Variants in PRKAR2B observed in about 807,000 individuals in gnomAD.
PRKAR2B encodes the protein protein kinase cAMP-dependent type II regulatory subunit beta.
In PRKAR2B, 14 loss-of-function variants were observed where a neutral mutation model predicts 49.9. The ratio of observed to expected loss-of-function variants is 0.28; its 90% CI spans 0.19 to 0.44. The LOEUF is 0.44. Among genes scored for constraint, PRKAR2B ranks in the 20% least tolerant of loss-of-function variants. The pLI is 1.00. For missense variants in PRKAR2B, 393 were observed against 537.9 expected, an observed-to-expected ratio of 0.73 and a Z score of 2.67; for synonymous variants, 196 against 197.7, an observed-to-expected ratio of 0.99 and a Z score of 0.07.
chr7:107,146,784 A>G (rs891962077), intron 6 of PRKAR2B, among the ~76,000 whole-genome samples: 4 of 152,190 alleles, frequency 2.6e-5, no homozygotes, highest in Non-Finnish European at 5.9e-5. Flanking sequence ...TTTTTCTCAG[A>G]TAGCTTTCTG....
intron 4 of PRKAR2B, among the ~76,000 whole-genome samples, chr7:107,139,281 A>G (rs1339887935): frequency 6.6e-6 from 1 of 152,216 alleles, no homozygotes; most frequent in African/African-American, 2.4e-5. Flanking sequence ...TTGAGCTGAC[A>G]GGGAGCCAGC....
chr7:107,072,931 G>A (rs576570573), intron 2 of PRKAR2B, among the ~76,000 whole-genome samples: 3 of 152,236 alleles, frequency 2.0e-5, no homozygotes, highest in Non-Finnish European at 2.9e-5. Flanking sequence ...TCTGTACGAC[G>A]TAAGAGTTTG....
At chr7:107,154,892 T>C (rs1387916836) in intron 8 of PRKAR2B, among the ~76,000 whole-genome samples, 1 of 152,202 alleles carries the variant, frequency 6.6e-6, no homozygotes, top group Non-Finnish European at 1.5e-5. Flanking sequence ...TGAAATGGAA[T>C]GTCAGTAGGC....
At chr7:107,135,765 G>C (rs1248879400) in intron 4 of PRKAR2B, among the ~76,000 whole-genome samples, 1 of 152,164 alleles carries the variant, frequency 6.6e-6, no homozygotes, top group Non-Finnish European at 1.5e-5. Context: ...TGGATAGGAA[G>C]ACCCACTATT....
intron 2 of PRKAR2B, among the ~76,000 whole-genome samples, chr7:107,099,304 G>T (rs1485298036): frequency 1.3e-5 from 2 of 152,182 alleles, no homozygotes; most frequent in African/African-American, 4.8e-5. Flanking sequence ...GTGGGTGTTG[G>T]ACCCTCCTAA....
intron 2 of PRKAR2B, among the ~76,000 whole-genome samples, chr7:107,104,041 C>CT (rs1346915280): frequency 1.2e-4 from 18 of 151,092 alleles, no homozygotes; most frequent in Non-Finnish European, 2.1e-4. Context: ...TTTTTCTTCT[C>CT]TTTTTTTGAG....
intron 2 of PRKAR2B, among the ~76,000 whole-genome samples, chr7:107,100,502 T>C (rs1251320804): frequency 6.6e-6 from 1 of 152,196 alleles, no homozygotes; most frequent in Non-Finnish European, 1.5e-5. Context: ...TGTGCTGAGG[T>C]TCATTGAACT....
chr7:107,092,271 G>A (rs1004066499), intron 2 of PRKAR2B, among the ~76,000 whole-genome samples: 24 of 147,520 alleles, frequency 1.6e-4, no homozygotes, highest in Middle Eastern at 7.5e-3. Flanking sequence ...GTGTGTGTGC[G>A]TGTGTCTGTG....
intron 5 of PRKAR2B, among the ~76,000 whole-genome samples, chr7:107,141,939 C>G (rs1036911049): frequency 2.0e-4 from 31 of 152,216 alleles, no homozygotes; most frequent in Admixed American, 2.6e-4. Flanking sequence ...TTTACCTCAT[C>G]ATAGAACAAT....
chr7:107,114,596 CT>C (rs1422399459), intron 2 of PRKAR2B, among the ~76,000 whole-genome samples: 2 of 149,698 alleles, frequency 1.3e-5, no homozygotes, highest in African/African-American at 4.9e-5. Context: ...TCTTGAACTC[CT>C]GACTTTAGGT....
At chr7:107,159,103 G>A (rs1796149075) in intron 10 of PRKAR2B, among the ~76,000 whole-genome samples, 1 of 152,190 alleles carries the variant, frequency 6.6e-6, no homozygotes, top group Non-Finnish European at 1.5e-5. Flanking sequence ...CCCTTGAGGA[G>A]TTCACATTGC....
intron 2 of PRKAR2B, among the ~76,000 whole-genome samples, chr7:107,108,143 G>A (rs1795111855): frequency 1.3e-5 from 2 of 152,254 alleles, no homozygotes; most frequent in South Asian, 2.1e-4. Context: ...AAAACCCAGA[G>A]CATCCAGGAG....
At chr7:107,051,090 A>T (rs918505670) in intron 1 of PRKAR2B, among the ~76,000 whole-genome samples, 13 of 152,214 alleles carry the variant, frequency 8.5e-5, no homozygotes, top group African/African-American at 2.4e-4. Flanking sequence ...GAGACAGAGA[A>T]GTTCCTTATC....
intron 2 of PRKAR2B, among the ~76,000 whole-genome samples, chr7:107,076,341 CTT>C (rs1794396310): frequency 6.6e-6 from 1 of 152,092 alleles, no homozygotes; most frequent in African/African-American, 2.4e-5. Flanking sequence ...TTCTCTCTCT[CTT>C]TTAAATTCAA....
Position 107,117,738 on chromosome 7 carries a change from T to C in PRKAR2B, c.344-4214T>C, listed in dbSNP as rs75221801. Reference sequence around the variant, plus strand: ...TTGAATAATCCCTCATCTATCATTCTTTATGTATAGCACATGAAAAGGTTG... The same window carrying C: ...TTGAATAATCCCTCATCTATCATTCCTTATGTATAGCACATGAAAAGGTTG... On this transcript the variant is annotated intron_variant, in intron 2 of 10. Transcript: ENST00000265717. Among the ~76,000 whole-genome samples, 4 of 152,266 alleles carry C rather than the reference T, an allele frequency of 2.6e-5. No homozygotes were observed. The East Asian group carries it at 7.7e-4, about 29-fold the overall frequency.
chr7:107,118,135 G>T (rs1013616573), intron 2 of PRKAR2B, among the ~76,000 whole-genome samples: 1 of 152,178 alleles, frequency 6.6e-6, no homozygotes, highest in African/African-American at 2.4e-5. Flanking sequence ...TGGTTTGAGT[G>T]CCCATCCAGA....
intron 2 of PRKAR2B, among the ~76,000 whole-genome samples, chr7:107,120,853 G>A (rs1291347017): frequency 1.3e-5 from 2 of 151,332 alleles, no homozygotes; most frequent in Non-Finnish European, 2.9e-5. Flanking sequence ...CAGATAAAGT[G>A]GTATGAAAAA....
At chr7:107,100,508 G>C (rs945382518) in intron 2 of PRKAR2B, among the ~76,000 whole-genome samples, 3 of 152,138 alleles carry the variant, frequency 2.0e-5, no homozygotes, top group African/African-American at 7.2e-5. Flanking sequence ...GAGGTTCATT[G>C]AACTTCTAGA....
chr7:107,083,154 C>T (rs968883599), intron 2 of PRKAR2B, among the ~76,000 whole-genome samples: 10 of 150,854 alleles, frequency 6.6e-5, no homozygotes, highest in Non-Finnish European at 1.0e-4. Context: ...TGAGGTGAGA[C>T]GATCCCTTGA....
Sources: gnomAD v4.1 joint callset for allele counts (sites outside exome capture counted in the v4.1 genomes callset) on GRCh38, gnomAD v4.1.1 for gene constraint, MANE v1.5 for transcripts, NCBI Gene and HGNC (gene_info 2026-07-23, HGNC 2026-07-21) for gene names.